The following PDLIM5 variants were observed in gnomAD, a reference collection of about 807,000 sequenced individuals.
The protein encoded by PDLIM5 is PDZ and LIM domain protein 5.
A neutral mutation model predicts 64.2 loss-of-function variants in PDLIM5; 34 were observed. That is an observed-to-expected ratio of 0.53 (90% CI 0.40 to 0.71). The LOEUF (loss-of-function observed/expected upper bound fraction) is 0.71, where lower values mean the gene tolerates loss of function less well. Among genes scored for constraint, PDLIM5 ranks in the 30% least tolerant of loss-of-function variants. The pLI is 0.00. For synonymous variants in PDLIM5, 253 were observed against 269.1 expected, an observed-to-expected ratio of 0.94 and a Z score of 0.59; for missense variants, 683 against 733.6, an observed-to-expected ratio of 0.93 and a Z score of 0.80.
chr4:94,464,753 A>G (rs569185806), intron 2 of PDLIM5, among the ~76,000 whole-genome samples: 2 of 152,268 alleles, frequency 1.3e-5, no homozygotes, highest in African/African-American at 4.8e-5. Context: ...TTTAGGGTAG[A>G]CGTTTCTGTT....
At chr4:94,455,605 A>G (rs1353639448) in intron 2 of PDLIM5, 3 of 648,866 alleles carry the variant, frequency 4.6e-6, no homozygotes, top group Non-Finnish European at 2.6e-6. Context: ...CATGTTATCA[A>G]TAATAAAATG....
intron 7 of PDLIM5, among the ~76,000 whole-genome samples, chr4:94,598,909 C>G (rs1369863467): frequency 6.6e-6 from 1 of 151,914 alleles, no homozygotes; most frequent in Non-Finnish European, 1.5e-5. Context: ...GCAGAAGGAA[C>G]AGCAAATGCA....
intron 7 of PDLIM5, among the ~76,000 whole-genome samples, chr4:94,604,122 GA>G (rs1359424682): frequency 1.3e-5 from 2 of 152,104 alleles, no homozygotes; most frequent in African/African-American, 4.8e-5. Flanking sequence ...CTAGGACAGA[GA>G]ACTCTCGGGC....
rs562196516 is a variant in PDLIM5 at position 94,545,315 on chromosome 4, C to T, written c.248+21440C>T. ...AATTTTTACAACTCTAATATGTCAG[C>T]ATCTTTTGTTAACCATGTACTCATA... On this transcript the variant is annotated intron_variant, in intron 3 of 12. Transcript: ENST00000317968. 6.6e-5 allele frequency among the ~76,000 whole-genome samples: 10 copies of T among 152,324 alleles called. No individual in the cohort carries two copies. The South Asian group carries it at 1.7e-3, about 25-fold the overall frequency.
intron 1 of PDLIM5, among the ~76,000 whole-genome samples, chr4:94,454,056 T>G (rs1279670754): frequency 6.6e-6 from 1 of 152,220 alleles, no homozygotes; most frequent in Non-Finnish European, 1.5e-5. Flanking sequence ...GGCTCAAATA[T>G]CTATATCTGC....
intron 2 of PDLIM5, among the ~76,000 whole-genome samples, chr4:94,489,445 G>A (rs1726658953): frequency 1.3e-5 from 2 of 152,002 alleles, no homozygotes; most frequent in Admixed American, 6.6e-5. Context: ...TGACTGTCAG[G>A]CAGTTAACAT....
intron 7 of PDLIM5, among the ~76,000 whole-genome samples, chr4:94,590,824 A>G (rs886328429): frequency 3.9e-5 from 6 of 152,242 alleles, no homozygotes; most frequent in East Asian, 1.9e-4. Flanking sequence ...ATTCCTATCC[A>G]TAGCATTTTA....
At chr4:94,505,040 CAA>C (rs1450566395) in intron 2 of PDLIM5, among the ~76,000 whole-genome samples, 1 of 152,084 alleles carries the variant, frequency 6.6e-6, no homozygotes, top group Non-Finnish European at 1.5e-5. Context: ...GGGATAAAAC[CAA>C]AGTGTTTTTC....
chr4:94,600,193 G>A (rs1737383409), intron 7 of PDLIM5, among the ~76,000 whole-genome samples: 1 of 152,220 alleles, frequency 6.6e-6, no homozygotes. Flanking sequence ...TAGGATGTGT[G>A]AAGGTGCTTG....
intron 2 of PDLIM5, among the ~76,000 whole-genome samples, chr4:94,493,751 C>T (rs1727079503): frequency 6.6e-6 from 1 of 152,004 alleles, no homozygotes; most frequent in Non-Finnish European, 1.5e-5. Flanking sequence ...TGCTAAAATG[C>T]CCTCAAGAAA....
intron 7 of PDLIM5, among the ~76,000 whole-genome samples, chr4:94,612,551 C>G (rs2110380529): frequency 6.6e-6 from 1 of 152,282 alleles, no homozygotes; most frequent in South Asian, 2.1e-4. Flanking sequence ...CATATACATG[C>G]AAAAGTGTGC....
chr4:94,473,553 C>T (rs1725064457), intron 2 of PDLIM5, among the ~76,000 whole-genome samples: 1 of 152,206 alleles, frequency 6.6e-6, no homozygotes, highest in African/African-American at 2.4e-5. Flanking sequence ...AGCCACCGCG[C>T]CTGGCCCAGA....
At chr4:94,462,360 G>A (rs112991761) in intron 2 of PDLIM5, among the ~76,000 whole-genome samples, 2,948 of 151,966 alleles carry the variant, frequency 0.019, 73 homozygotes, top group African/African-American at 0.061. Flanking sequence ...ATGCTTAATA[G>A]AAATACTTTT....
intron 4 of PDLIM5, chr4:94,573,650 T>G: frequency 2.1e-6 from 1 of 475,606 alleles, no homozygotes; most frequent in Non-Finnish European, 3.8e-6. Flanking sequence ...TACATTTCTA[T>G]TCACTTTTGA....
chr4:94,461,719 A>C (rs191924049), intron 2 of PDLIM5, among the ~76,000 whole-genome samples: 408 of 152,296 alleles, frequency 2.7e-3, no homozygotes, highest in African/African-American at 8.8e-3. Context: ...AACAGAGTTC[A>C]CCAACCTTGT....
intron 2 of PDLIM5, among the ~76,000 whole-genome samples, chr4:94,514,685 A>T (rs1729212418): frequency 6.6e-6 from 1 of 152,136 alleles, no homozygotes; most frequent in Non-Finnish European, 1.5e-5. Context: ...CTTTACTGGG[A>T]GACTTTCTGT....
intron 3 of PDLIM5, among the ~76,000 whole-genome samples, chr4:94,538,248 G>A (rs1201582009): frequency 6.6e-6 from 1 of 152,110 alleles, no homozygotes; most frequent in Non-Finnish European, 1.5e-5. Flanking sequence ...CTTCATCTGT[G>A]AAACAGTTTT....
intron 2 of PDLIM5, among the ~76,000 whole-genome samples, chr4:94,514,957 C>G (rs1729233626): frequency 6.6e-6 from 1 of 152,134 alleles, no homozygotes. Flanking sequence ...AGAAAAGATA[C>G]ATATGCCAAA....
At chr4:94,601,655 T>C (rs1261022943) in intron 7 of PDLIM5, among the ~76,000 whole-genome samples, 1 of 152,212 alleles carries the variant, frequency 6.6e-6, no homozygotes, top group Non-Finnish European at 1.5e-5. Context: ...CCAGTCCTCC[T>C]TGTCTGCCAT....
Sources: allele counts gnomAD v4.1 joint callset (sites outside exome capture counted in the v4.1 genomes callset), GRCh38; gene constraint gnomAD v4.1.1; transcripts MANE v1.5; gene names NCBI Gene and HGNC (gene_info 2026-07-23, HGNC 2026-07-21).